The following CCNT2 variants were observed in gnomAD, a reference collection of about 807,000 sequenced individuals.
CCNT2 encodes cyclin-T2.
A neutral mutation model predicts 70.0 loss-of-function variants in CCNT2; 18 were observed. The ratio of observed to expected loss-of-function variants is 0.26; its 90% confidence interval spans 0.18 to 0.38. The LOEUF is 0.38. Ranked by LOEUF, CCNT2 falls within the 10% of genes least tolerant of loss-of-function variation. CCNT2 has a pLI of 1.00. For synonymous variants in CCNT2, 334 were observed against 313.3 expected (o/e 1.07, Z -0.70); for missense variants, 734 against 890.2 (o/e 0.82, Z 2.23).
At chr2:134,941,904 TTATAAATC>T (rs1290002192) in intron 4 of CCNT2, among the ~76,000 whole-genome samples, 12 of 152,152 alleles carry the variant, frequency 7.9e-5, no homozygotes, top group Non-Finnish European at 1.8e-4. Flanking sequence ...CACAACAACT[TTATAAATC>T]TAGATTACCC....
chr2:134,953,831 C>T lies in CCNT2; in HGVS notation c.1376C>T (p.Ala459Val), dbSNP rs1224017300. 6.2e-7 allele frequency: 1 copy of T among 1,613,988 alleles called. No individual in the cohort carries two copies. The highest frequency in any genetic ancestry group is 2.2e-5 in the East Asian group (1 of 44,884). The change falls in exon 9 of 9, where the codon GCC becomes GTC. Residue 459 changes from alanine to valine, a missense_variant. By Grantham distance (64) the Ala-to-Val change is moderately conservative. Transcript: ENST00000264157. ...GATGTAAGGGATCATTATATAGCTGCCCAGGTAGAACAGCAGCACAAACAA... is the reference window on the plus strand; with the variant it reads ...GATGTAAGGGATCATTATATAGCTGTCCAGGTAGAACAGCAGCACAAACAA... ...DLDVRDHYIA[A>V]QVEQQHKQGQ...
intron 2 of CCNT2, among the ~76,000 whole-genome samples, chr2:134,933,762 A>G (rs1444703554): frequency 1.3e-5 from 2 of 152,224 alleles, no homozygotes; most frequent in African/African-American, 2.4e-5. Context: ...ATCAACATTA[A>G]CATGCACAAT....
At chr2:134,936,818 C>T (rs765213280) in intron 2 of CCNT2, 23 bp from the exon 3 acceptor site, 2 of 1,588,104 alleles carry the variant, frequency 1.3e-6, no homozygotes, top group South Asian at 2.3e-5. Context: ...TCTTAAATGA[C>T]CAGAGTTTTA....
chr2:134,930,000 G>C (rs1680624575), intron 2 of CCNT2, among the ~76,000 whole-genome samples: 1 of 151,906 alleles, frequency 6.6e-6, no homozygotes, highest in Non-Finnish European at 1.5e-5. Flanking sequence ...GAGAGAGAGA[G>C]AGATACAATT....
intron 8 of CCNT2, 87 bp from the exon 9 acceptor site, chr2:134,953,143 T>A: frequency 1.1e-6 from 1 of 873,824 alleles, no homozygotes; most frequent in Non-Finnish European, 1.7e-6. Flanking sequence ...ATATATAATG[T>A]TTTTAATATA....
rs921627390 is a variant in CCNT2, at chr2:134,942,693, T to G, written c.493+19T>G. The stretch of plus-strand genomic sequence containing the variant: ...GTAAGAGGTAGGTGATCCTTGAAAC[T>G]TTTAAGATAAGTATTAATGCTTTTT... On this transcript the variant is annotated intron_variant, in intron 5 of 8. Transcript: ENST00000264157. 2 of 1,594,122 alleles carry G rather than the reference T, an allele frequency of 1.3e-6. No individual in the cohort carries two copies. The highest frequency in any genetic ancestry group is 1.7e-6 in the Non-Finnish European group (2 of 1,167,242).
At chr2:134,943,546 A>G (rs1449216071) in intron 5 of CCNT2, 2 of 985,044 alleles carry the variant, frequency 2.0e-6, no homozygotes, top group African/African-American at 1.7e-5. Flanking sequence ...TATAGAGCAT[A>G]ATACATTTAG....
At chr2:134,928,274 CTTTTTTTTT>C (rs551173090) in intron 2 of CCNT2, among the ~76,000 whole-genome samples, 1 of 96,428 alleles carries the variant, frequency 1.0e-5, no homozygotes, top group African/African-American at 4.0e-5. Flanking sequence ...CATTGTATTT[CTTTTTTTTT>C]TTTTTTTTTT....
At chr2:134,923,579 G>C (rs994020807) in intron 2 of CCNT2, among the ~76,000 whole-genome samples, 3 of 152,242 alleles carry the variant, frequency 2.0e-5, no homozygotes, top group African/African-American at 7.2e-5. Context: ...GCTCTTCAAT[G>C]TAGTAGGTAC....
chr2:134,957,309 A>AT lies in CCNT2; in HGVS notation c.*2663dup, dbSNP rs757610587. The AT allele has an allele frequency of 3.9e-5, 6 of 152,224 alleles. No individual in the cohort carries two copies. The highest frequency in any genetic ancestry group is 8.8e-5 in the Non-Finnish European group (6 of 68,036). 9.4% of individuals were successfully genotyped at this position (152,224 alleles called of 1,614,324 possible). On this transcript the variant is annotated 3_prime_UTR_variant, in exon 9 of 9. Coordinates refer to ENST00000264157, the MANE Select transcript of CCNT2 (RefSeq NM_058241.3). ...AAATAGTATCAAATTTAGGTATGAA[A>AT]TTCCACATGTGCAAAGTACTGTTAA...
chr2:134,924,291 G>A (rs1034074552), intron 2 of CCNT2, among the ~76,000 whole-genome samples: 1 of 152,026 alleles, frequency 6.6e-6, no homozygotes, highest in Non-Finnish European at 1.5e-5. Context: ...CTTTTTAATT[G>A]TAAAATATAT....
At chr2:134,936,231 T>C (rs1369296834) in intron 2 of CCNT2, among the ~76,000 whole-genome samples, 1 of 152,054 alleles carries the variant, frequency 6.6e-6, no homozygotes, top group Non-Finnish European at 1.5e-5. Context: ...ATTAATATTA[T>C]TTAAACTTTC....
chr2:134,921,757 A>G (rs1437378099), intron 2 of CCNT2, among the ~76,000 whole-genome samples: 1 of 152,182 alleles, frequency 6.6e-6, no homozygotes, highest in African/African-American at 2.4e-5. Context: ...TCACAACTTT[A>G]GATTGTCATT....
At chr2:134,941,152 G>A (rs909046955) in intron 4 of CCNT2, among the ~76,000 whole-genome samples, 1 of 152,158 alleles carries the variant, frequency 6.6e-6, no homozygotes, top group Non-Finnish European at 1.5e-5. Flanking sequence ...TTTAATGCCA[G>A]CGAAAGACAG....
chr2:134,935,739 CTCTG>C (rs1457681689), intron 2 of CCNT2, among the ~76,000 whole-genome samples: 2 of 151,954 alleles, frequency 1.3e-5, no homozygotes, highest in South Asian at 2.1e-4. Flanking sequence ...CTTCATGTTT[CTCTG>C]TCTTAGTATC....
Position 134,954,531 on chromosome 2 carries a change from G to A in CCNT2, c.2076G>A (p.Val692=). ...STLVKLDKKP[V]ETNGPDANHE... ...TCGTGAAACTGGACAAGAAGCCAGT[G>A]GAGACCAACGGTCCTGATGCCAATC... The change falls in exon 9 of 9, where the codon GTG becomes GTA. Residue 692 remains valine, a synonymous_variant. Transcript: ENST00000264157. 6.2e-7 allele frequency: 1 copy of A among 1,614,072 alleles called. No homozygotes were observed. Among genetic ancestry groups the A allele is most frequent in the South Asian group, 1.1e-5 (1 of 91,068 alleles).
intron 2 of CCNT2, among the ~76,000 whole-genome samples, chr2:134,926,522 C>T (rs952824476): frequency 6.6e-6 from 1 of 152,188 alleles, no homozygotes; most frequent in Admixed American, 6.5e-5. Context: ...AAGTTAGCTT[C>T]GGTCTTTTAA....
intron 7 of CCNT2, 49 bp downstream of exon 7, chr2:134,947,948 G>T: frequency 6.1e-6 from 7 of 1,140,602 alleles, no homozygotes; most frequent in Non-Finnish European, 8.5e-6. Context: ...TAAGTTGGCA[G>T]TTGTCTGAAT....
intron 2 of CCNT2, among the ~76,000 whole-genome samples, chr2:134,927,624 A>G (rs1680390907): frequency 6.6e-6 from 1 of 152,252 alleles, no homozygotes; most frequent in African/African-American, 2.4e-5. Flanking sequence ...GATTTTATAT[A>G]GTTTATAAAC....
Sources: allele counts gnomAD v4.1 joint callset (sites outside exome capture counted in the v4.1 genomes callset), GRCh38; gene constraint gnomAD v4.1.1; transcripts MANE v1.5; gene names NCBI Gene and HGNC (gene_info 2026-07-23, HGNC 2026-07-21).